ZC2HC1B: variants seen among roughly 807,000 people sequenced by gnomAD.
The protein encoded by ZC2HC1B is zinc finger C2HC-type containing 1B.
A neutral mutation model predicts 31.0 loss-of-function variants in ZC2HC1B; 36 were observed. The observed-to-expected ratio is 1.16, with a 90% CI of 0.89 to 1.54. The LOEUF (loss-of-function observed/expected upper bound fraction) is 1.54, where lower values mean the gene tolerates loss of function less well. Ranked by LOEUF, ZC2HC1B falls within the 40% of genes most tolerant of loss-of-function variation. The pLI, the probability that ZC2HC1B is intolerant of heterozygous loss-of-function variation, is 0.00. For missense variants in ZC2HC1B, 260 were observed against 268.6 expected (o/e 0.97, Z 0.22); for synonymous variants, 73 against 88.0 (o/e 0.83, Z 0.95).
At chr6:143,888,520 C>A (rs1412531866) in intron 4 of ZC2HC1B, among the ~76,000 whole-genome samples, 1 of 151,816 alleles carries the variant, frequency 6.6e-6, no homozygotes, top group Admixed American at 6.6e-5. Context: ...TTTTCCAATC[C>A]ATGAACATGG....
chr6:143,912,833 G>T (rs1262221714), intron 6 of ZC2HC1B, among the ~76,000 whole-genome samples: 1 of 152,186 alleles, frequency 6.6e-6, no homozygotes, highest in Non-Finnish European at 1.5e-5. Context: ...CCCACAGGCT[G>T]GACAAGCTGA....
In ZC2HC1B at chr6:143,869,434, T is replaced by A. The variant is rs1388961502; in HGVS notation, c.28+4867T>A. On this transcript the variant is annotated intron_variant, in intron 1 of 7. Coordinates refer to ENST00000237275, the MANE Select transcript of ZC2HC1B (RefSeq NM_001013623.3). This position sits in a 1 kb window ranked among gnomAD's most constrained non-coding sequence, Gnocchi z 5.2. ...TGAAGAACATGGTGAGACCAGTGAA[T>A]TCCATGAGCATGCGCCCACTGCTGC... Among the ~76,000 whole-genome samples, 1 of 152,226 alleles carries A rather than the reference T, an allele frequency of 6.6e-6. No individual in the cohort carries two copies. The highest frequency in any genetic ancestry group is 2.4e-5 in the African/African-American group (1 of 41,468).
intron 4 of ZC2HC1B, among the ~76,000 whole-genome samples, chr6:143,891,649 C>T (rs1198103331): frequency 1.4e-5 from 2 of 146,752 alleles, no homozygotes; most frequent in Non-Finnish European, 3.0e-5. Flanking sequence ...GCAGAGATGG[C>T]ACCACTGCAC....
chr6:143,934,786 G>A lies in ZC2HC1B; in HGVS notation c.599-2863G>A, dbSNP rs974752721. 6.6e-6 allele frequency among the ~76,000 whole-genome samples: 1 copy of A among 152,188 alleles called. No individual in the cohort carries two copies. The highest frequency in any genetic ancestry group is 1.5e-5 in the Non-Finnish European group (1 of 68,040). ...TGGAAGCTGTGGTGAGGCTTTGCTG[G>A]GGATGGGGACACAAGGTGAGCTGGT... On this transcript the variant is annotated intron_variant, in intron 6 of 7. Transcript: ENST00000237275. This position sits in a 1 kb window ranked among gnomAD's most constrained non-coding sequence, Gnocchi z 4.6.
At chr6:143,867,822 T>A (rs1164156804) in intron 1 of ZC2HC1B, among the ~76,000 whole-genome samples, 1 of 152,186 alleles carries the variant, frequency 6.6e-6, no homozygotes. Context: ...TGCTCTTTGG[T>A]TGTTGTGCCC....
chr6:143,869,392 C>A lies in ZC2HC1B; in HGVS notation c.28+4825C>A, dbSNP rs1488702845. Reference sequence around the variant, plus strand: ...AGGCCATCCCACCGTTATATCAATCCAACTGCTTCAGGATGATGAAGAACA... The same window carrying A: ...AGGCCATCCCACCGTTATATCAATCAAACTGCTTCAGGATGATGAAGAACA... On this transcript the variant is annotated intron_variant, in intron 1 of 7. Coordinates refer to ENST00000237275, the MANE Select transcript of ZC2HC1B (RefSeq NM_001013623.3). This position sits in a 1 kb window ranked among gnomAD's most constrained non-coding sequence, Gnocchi z 5.2. Among the ~76,000 whole-genome samples the A allele has an allele frequency of 6.6e-6, 1 of 152,178 alleles. No homozygotes were observed. Among genetic ancestry groups the A allele is most frequent in the Non-Finnish European group, 1.5e-5 (1 of 68,028 alleles).
rs2128498015 is a variant in ZC2HC1B at position 143,933,716 on chromosome 6, A to T, written c.599-3933A>T. On this transcript the variant is annotated intron_variant, in intron 6 of 7. Transcript: ENST00000237275. This position sits in a 1 kb window ranked among gnomAD's most constrained non-coding sequence, Gnocchi z 6.4. Reference sequence around the variant, plus strand: ...CCAAGTTTATCTCTAGGCAGCCTGCAGCCTGGGACTCAGATCTAGTCCCAG... The same window carrying T: ...CCAAGTTTATCTCTAGGCAGCCTGCTGCCTGGGACTCAGATCTAGTCCCAG... Among the ~76,000 whole-genome samples, 3 of 152,248 alleles carry T rather than the reference A, an allele frequency of 2.0e-5. No individual in the cohort carries two copies. The Middle Eastern group carries it at 0.01, about 518-fold the overall frequency.
chr6:143,875,014 G>T (rs978389506), intron 1 of ZC2HC1B, among the ~76,000 whole-genome samples: 41 of 152,040 alleles, frequency 2.7e-4, no homozygotes, highest in African/African-American at 9.9e-4. Flanking sequence ...TGTATTTTTA[G>T]TAGAGACAGG....
rs1243328688 is a variant in ZC2HC1B, at chr6:143,868,465, C to T, written c.28+3898C>T. Among the ~76,000 whole-genome samples the T allele has an allele frequency of 7.8e-6, 1 of 128,316 alleles. No homozygotes were observed. Among genetic ancestry groups the T allele is most frequent in the East Asian group, 2.7e-4 (1 of 3,648 alleles). 84.2% of individuals were successfully genotyped at this position (128,316 alleles called of 152,430 possible). ...AGGCTAGGCCAGTCTAGTCTTTTCA[C>T]ATTTTTTTTTTCTGCCTGCTTTAGA... On this transcript the variant is annotated intron_variant, in intron 1 of 7. Coordinates refer to ENST00000237275, the MANE Select transcript of ZC2HC1B (RefSeq NM_001013623.3). This position sits in a 1 kb window ranked among gnomAD's most constrained non-coding sequence, Gnocchi z 4.2.
rs764007243 is a variant in ZC2HC1B at position 143,864,528 on chromosome 6, G to C, written c.-12G>C. On this transcript the variant is annotated 5_prime_UTR_variant, in exon 1 of 8. Coordinates refer to ENST00000237275, the MANE Select transcript of ZC2HC1B (RefSeq NM_001013623.3). ...AAATCTGTGAACACTGTTGCTCTGA[G>C]TTAGGAACAGAATGGCTGGGGCAGA... is the stretch of plus-strand genomic sequence containing the variant. 3.5e-5 allele frequency: 54 copies of C among 1,551,520 alleles called. No individual in the cohort carries two copies. The African/African-American group carries it at 6.8e-4, about 20-fold the overall frequency.
intron 6 of ZC2HC1B, among the ~76,000 whole-genome samples, chr6:143,909,778 T>C (rs1194469250): frequency 1.3e-5 from 2 of 152,142 alleles, no homozygotes; most frequent in Non-Finnish European, 2.9e-5. Flanking sequence ...TTTCCGATTG[T>C]GTTTATATAA....
chr6:143,906,102 G>A (rs920762894), intron 6 of ZC2HC1B, among the ~76,000 whole-genome samples: 2 of 152,190 alleles, frequency 1.3e-5, no homozygotes, highest in Admixed American at 6.5e-5. Flanking sequence ...TCTGAGAAGG[G>A]TTGGTGTTAG....
intron 6 of ZC2HC1B, among the ~76,000 whole-genome samples, chr6:143,912,270 A>G (rs1298868542): frequency 6.6e-6 from 1 of 152,162 alleles, no homozygotes; most frequent in Non-Finnish European, 1.5e-5. Context: ...CTGTCATTTC[A>G]ACCATCTCAG....
intron 1 of ZC2HC1B, among the ~76,000 whole-genome samples, chr6:143,880,959 A>G (rs1777459422): frequency 6.6e-6 from 1 of 152,180 alleles, no homozygotes; most frequent in Admixed American, 6.6e-5. Flanking sequence ...ACATTAGTAT[A>G]TGGTGTGTTC....
chr6:143,884,717 G>A lies in ZC2HC1B; in HGVS notation c.90+352G>A, dbSNP rs1777509379. ...GGGAAATTAGCTAGTCAAGAGGAAT[G>A]AGCATTGAATTTTAGACATCTGGAA... On this transcript the variant is annotated intron_variant, in intron 2 of 7. Coordinates refer to ENST00000237275, the MANE Select transcript of ZC2HC1B (RefSeq NM_001013623.3). The surrounding 1 kb of genome is among the most constrained non-coding windows in gnomAD (Gnocchi z 5.1). Among the ~76,000 whole-genome samples, 1 of 152,294 alleles carries A rather than the reference G, an allele frequency of 6.6e-6. No homozygotes were observed. The highest frequency in any genetic ancestry group is 2.4e-5 in the African/African-American group (1 of 41,550).
chr6:143,900,288 C>G (rs920706631), intron 5 of ZC2HC1B, among the ~76,000 whole-genome samples: 1 of 151,130 alleles, frequency 6.6e-6, no homozygotes, highest in Non-Finnish European at 1.5e-5. Flanking sequence ...ATTTGTGAGG[C>G]TGAGGCAGGA....
intron 1 of ZC2HC1B, among the ~76,000 whole-genome samples, chr6:143,875,262 C>T (rs1226309013): frequency 6.6e-6 from 1 of 152,188 alleles, no homozygotes; most frequent in Non-Finnish European, 1.5e-5. Context: ...ATCTGTTTTA[C>T]AAGGCCTTGG....
intron 6 of ZC2HC1B, among the ~76,000 whole-genome samples, chr6:143,920,906 C>CAA (rs59847897): frequency 6.7e-4 from 61 of 91,456 alleles, no homozygotes; most frequent in African/African-American, 2.0e-3. Context: ...GACTCCGTCT[C>CAA]AAAAAAAAAA....
At chr6:143,896,263 T>G (rs896994780) in intron 4 of ZC2HC1B, among the ~76,000 whole-genome samples, 3 of 152,210 alleles carry the variant, frequency 2.0e-5, no homozygotes, top group African/African-American at 7.2e-5. Flanking sequence ...CATGGTGATA[T>G]GTAGTACCAA....
Sources: allele counts gnomAD v4.1 joint callset (sites outside exome capture counted in the v4.1 genomes callset), GRCh38; gene constraint gnomAD v4.1.1; non-coding constraint Gnocchi (gnomAD v3.1); transcripts MANE v1.5; gene names NCBI Gene and HGNC (gene_info 2026-07-23, HGNC 2026-07-21).